Variants in TTC7A observed in about 807,000 individuals in gnomAD.
TTC7A encodes the protein tetratricopeptide repeat protein 7A.
A neutral mutation model predicts 103.7 loss-of-function variants in TTC7A; 110 were observed. The ratio of observed to expected loss-of-function variants is 1.06; its 90% CI spans 0.91 to 1.24. The LOEUF (loss-of-function observed/expected upper bound fraction) is 1.24, where lower values mean the gene tolerates loss of function less well. TTC7A is among the 50% of genes most tolerant of loss of function. The probability of loss-of-function intolerance (pLI) is 0.00; values close to 1 mark genes in which losing one functional copy is unlikely to be tolerated. For missense variants in TTC7A, 1,340 were observed against 1,116.3 expected, an observed-to-expected ratio of 1.20 and a Z score of -2.86; for synonymous variants, 521 against 467.9, an observed-to-expected ratio of 1.11 and a Z score of -1.47.
chr2:46,983,461 C>T (rs1366009755), intron 5 of TTC7A, among the ~76,000 whole-genome samples: 3 of 152,196 alleles, frequency 2.0e-5, no homozygotes, highest in South Asian at 2.1e-4. Context: ...CTGCTTGGAG[C>T]GCCCTTGTCT....
intron 17 of TTC7A, 73 bp downstream of exon 17, chr2:47,050,119 CAGAG>C (rs1682729712): frequency 7.7e-7 from 1 of 1,298,772 alleles, no homozygotes; most frequent in Non-Finnish European, 1.1e-6. Context: ...AGCACCAACA[CAGAG>C]AGGGGCCGGG....
chr2:47,034,957 A>G (rs1680949148), intron 15 of TTC7A, among the ~76,000 whole-genome samples: 1 of 152,132 alleles, frequency 6.6e-6, no homozygotes, highest in Non-Finnish European at 1.5e-5. Flanking sequence ...GGAAACCTAG[A>G]CTGTTTTGGA....
At chr2:46,974,867 C>T (rs1275691799) in intron 3 of TTC7A, 106 bp from the exon 4 acceptor site, 6 of 1,494,990 alleles carry the variant, frequency 4.0e-6, no homozygotes, top group Non-Finnish European at 5.5e-6. Context: ...CCTGGCTGCA[C>T]CAGAGTGTCT....
intron 16 of TTC7A, chr2:47,047,231 G>A (rs1446915047): frequency 9.7e-6 from 13 of 1,341,128 alleles, no homozygotes; most frequent in Non-Finnish European, 1.2e-5. Flanking sequence ...AGGCCTCAGG[G>A]GACCCCAGTC....
At chr2:46,967,110 G>T (rs1672928849) in intron 3 of TTC7A, among the ~76,000 whole-genome samples, 1 of 152,076 alleles carries the variant, frequency 6.6e-6, no homozygotes, top group Non-Finnish European at 1.5e-5. Context: ...CTACTCAGGA[G>T]GCTGAGACAG....
At chr2:46,975,854 A>C (rs11883507) in intron 4 of TTC7A, among the ~76,000 whole-genome samples, 49,475 of 151,786 alleles carry the variant, frequency 0.33, 9,240 homozygotes, top group East Asian at 0.67. Flanking sequence ...CTTCTGCCTC[A>C]GCCTTTCGAG....
chr2:47,021,753 T>G (rs914772397), intron 11 of TTC7A, 109 bp from the exon 12 acceptor site: 1 of 854,170 alleles, frequency 1.2e-6, no homozygotes, highest in Non-Finnish European at 1.9e-6. Context: ...AGTAAGGCCC[T>G]GTGACCTTGA....
chr2:46,920,650 A>G (rs891409762), intron 2 of TTC7A, among the ~76,000 whole-genome samples: 5 of 73,658 alleles, frequency 6.8e-5, no homozygotes, highest in African/African-American at 1.4e-4. Context: ...GGCTTTTTTG[A>G]AAAAAAAAAA....
intron 11 of TTC7A, among the ~76,000 whole-genome samples, chr2:47,020,334 T>TG (rs1558586157): frequency 6.6e-6 from 1 of 152,190 alleles, no homozygotes; most frequent in Non-Finnish European, 1.5e-5. Flanking sequence ...TCCTGAGTCC[T>TG]GCTGCCACGT....
At chr2:47,010,294 A>G (rs918101184) in intron 10 of TTC7A, among the ~76,000 whole-genome samples, 1 of 152,234 alleles carries the variant, frequency 6.6e-6, no homozygotes, top group Non-Finnish European at 1.5e-5. Flanking sequence ...CATATACAGT[A>G]TGTAAATGTA....
intron 1 of TTC7A, among the ~76,000 whole-genome samples, chr2:46,948,942 C>A (rs1047258503): frequency 6.6e-6 from 1 of 152,168 alleles, no homozygotes; most frequent in African/African-American, 2.4e-5. Context: ...ACTTAACTCT[C>A]GATCCTGATG....
At chr2:46,974,030 C>T (rs1673616073) in intron 3 of TTC7A, among the ~76,000 whole-genome samples, 1 of 152,208 alleles carries the variant, frequency 6.6e-6, no homozygotes, top group Non-Finnish European at 1.5e-5. Flanking sequence ...GTGGTGAAAC[C>T]AGGCTGATAG....
At chr2:47,036,939 A>C (rs1400886987) in intron 15 of TTC7A, among the ~76,000 whole-genome samples, 1 of 152,156 alleles carries the variant, frequency 6.6e-6, no homozygotes, top group Admixed American at 6.5e-5. Context: ...TATCCCCCGC[A>C]TCCTGGCCAG....
chr2:46,934,076 A>C (rs1338931240), intron 2 of TTC7A, among the ~76,000 whole-genome samples: 1 of 152,222 alleles, frequency 6.6e-6, no homozygotes, highest in Non-Finnish European at 1.5e-5. Flanking sequence ...GAATGTCATA[A>C]TAATCATCCA....
At chr2:46,968,341 G>A (rs1673036795) in intron 3 of TTC7A, among the ~76,000 whole-genome samples, 1 of 152,232 alleles carries the variant, frequency 6.6e-6, no homozygotes, top group Non-Finnish European at 1.5e-5. Flanking sequence ...ACAACCCTCC[G>A]ATGCCTCAAG....
rs367591126 is a variant in TTC7A, at chr2:46,924,416, A to G, written c.82+7139A>G. Reference sequence around the variant, plus strand: ...GAGCTTAGCTCTCCAATTAACTGAAAGCTTGGGTTTTACATTTATGGAATA... The same window carrying G: ...GAGCTTAGCTCTCCAATTAACTGAAGGCTTGGGTTTTACATTTATGGAATA... On this transcript the variant is annotated intron_variant, in intron 2 of 20. Transcript: ENST00000409245. Among the ~76,000 whole-genome samples the G allele has an allele frequency of 3.7e-3, 570 of 152,182 alleles. 1 individual carries two copies. Among genetic ancestry groups the G allele is most frequent in the Non-Finnish European group, 5.8e-3 (393 of 68,006 alleles).
rs746877011 is a variant in TTC7A, at chr2:47,024,407, C to T, written c.1641+48C>T. ...CCCCGGGTCCTCGGGGGCTGCTGAT[C>T]TTCTCCTGGAAACCCAGCTTACCAG... is the stretch of plus-strand genomic sequence containing the variant. On this transcript the variant is annotated intron_variant, in intron 14 of 19. Transcript: ENST00000319190. 5 of 1,536,392 alleles carry T rather than the reference C, an allele frequency of 3.3e-6. No homozygotes were observed. The East Asian group carries it at 7.3e-5, about 22-fold the overall frequency.
At chr2:47,031,311 A>G (rs1378010654) in intron 15 of TTC7A, among the ~76,000 whole-genome samples, 2 of 152,162 alleles carry the variant, frequency 1.3e-5, no homozygotes, top group African/African-American at 4.8e-5. Context: ...AGAACATTTT[A>G]TTTTTAATGA....
rs148783094 is a variant in TTC7A at position 47,063,754 on chromosome 2, C to T, written c.2355+2783C>T. ...AGGAGAGCCTTCCCTCCCCTGAGGG[C>T]ACAGCCACCCACAAGCCTGGGCTGG... On this transcript the variant is annotated intron_variant, in intron 19 of 19. Coordinates refer to ENST00000319190, the MANE Select transcript of TTC7A (RefSeq NM_020458.4). 2.6e-5 allele frequency among the ~76,000 whole-genome samples: 4 copies of T among 152,334 alleles called. No individual in the cohort carries two copies. The East Asian group carries it at 7.7e-4, about 29-fold the overall frequency.
Sources: allele counts gnomAD v4.1 joint callset (sites outside exome capture counted in the v4.1 genomes callset), GRCh38; gene constraint gnomAD v4.1.1; transcripts MANE v1.5; gene names NCBI Gene and HGNC (gene_info 2026-07-23, HGNC 2026-07-21).